The following DRICH1 variants were observed in gnomAD, a reference collection of about 807,000 sequenced individuals.
DRICH1 encodes the protein aspartate rich 1.
Under a neutral mutation model 39.5 loss-of-function variants are expected in DRICH1, and 38 were observed. The ratio of observed to expected loss-of-function variants is 0.96; its 90% CI spans 0.74 to 1.26. The LOEUF is 1.26. Among genes scored for constraint, DRICH1 ranks in the 50% most tolerant of loss-of-function variants. The pLI, the probability that DRICH1 is intolerant of heterozygous loss-of-function variation, is 0.00. For missense variants in DRICH1, 279 were observed against 270.4 expected (o/e 1.03, Z -0.22); for synonymous variants, 84 against 99.5 (o/e 0.84, Z 0.93).
intron 1 of DRICH1, among the ~76,000 whole-genome samples, chr22:23,628,719 T>C (rs1055576914): frequency 9.9e-5 from 15 of 152,172 alleles, no homozygotes; most frequent in African/African-American, 3.4e-4. Flanking sequence ...CTGGGACCTG[T>C]CTGTGTCTGT....
At chr22:23,624,950 G>T in intron 2 of DRICH1, 46 bp from the exon 3 acceptor site, 2 of 1,598,008 alleles carry the variant, frequency 1.3e-6, no homozygotes, top group Non-Finnish European at 1.7e-6. Context: ...GATCAATTCT[G>T]CTGCACCCCC....
At chr22:23,612,658 T>C (rs1354438975) in intron 11 of DRICH1, among the ~76,000 whole-genome samples, 3 of 151,900 alleles carry the variant, frequency 2.0e-5, no homozygotes, top group Non-Finnish European at 4.4e-5. Context: ...TGTGATTGGG[T>C]TGGGCAGTGG....
chr22:23,599,355 C>G, the DRICH1 span, among the ~76,000 whole-genome samples: 1 of 152,354 alleles, frequency 6.6e-6, no homozygotes, highest in South Asian at 2.1e-4. Flanking sequence ...TGCCCTGGAC[C>G]TGCCTCCCTG....
chr22:23,591,584 C>T, the DRICH1 span, among the ~76,000 whole-genome samples: 13 of 152,140 alleles, frequency 8.5e-5, no homozygotes, highest in Admixed American at 7.9e-4. Flanking sequence ...TTCTGCTGAC[C>T]TCATCCACGA....
At chr22:23,596,202 CT>C in the DRICH1 span, among the ~76,000 whole-genome samples, 1 of 152,194 alleles carries the variant, frequency 6.6e-6, no homozygotes, top group Non-Finnish European at 1.5e-5. Flanking sequence ...CACCTCTTCT[CT>C]TTCCTGTGAG....
At chr22:23,626,318 A>C (rs1412857417) in intron 1 of DRICH1, among the ~76,000 whole-genome samples, 1 of 152,198 alleles carries the variant, frequency 6.6e-6, no homozygotes, top group Non-Finnish European at 1.5e-5. Context: ...TTGCTGTGAC[A>C]TAGGAAAAAC....
the DRICH1 span, among the ~76,000 whole-genome samples, chr22:23,601,105 G>A: frequency 6.6e-6 from 1 of 151,662 alleles, no homozygotes; most frequent in African/African-American, 2.4e-5. Flanking sequence ...ATTCACCATT[G>A]GCAATAAGCA....
Position 23,632,193 on chromosome 22 carries a change from G to T in DRICH1, c.-170C>A. Reference sequence around the variant, plus strand: ...CTGCCGCCACCTCCCAAACTAGCTGGTCTATGAGGTCAGGGACCTGCTGTC... The same window carrying T: ...CTGCCGCCACCTCCCAAACTAGCTGTTCTATGAGGTCAGGGACCTGCTGTC... On this transcript the variant is annotated 5_prime_UTR_variant, in exon 1 of 12. Coordinates refer to ENST00000317749, the MANE Select transcript of DRICH1 (RefSeq NM_016449.4). 1.8e-6 allele frequency: 2 copies of T among 1,094,210 alleles called. No individual in the cohort carries two copies. Among genetic ancestry groups the T allele is most frequent in the Non-Finnish European group, 2.6e-6 (2 of 780,304 alleles). 67.8% of individuals were successfully genotyped at this position (1,094,210 alleles called of 1,614,324 possible). A position where few individuals can be genotyped will look rare whatever the true frequency, so the allele number is the denominator to read the frequency against.
intron 1 of DRICH1, among the ~76,000 whole-genome samples, chr22:23,629,740 C>T (rs1928280422): frequency 6.6e-6 from 1 of 152,160 alleles, no homozygotes; most frequent in South Asian, 2.1e-4. Flanking sequence ...GCCTCAGCCA[C>T]CCAAGTACCT....
downstream of DRICH1, among the ~76,000 whole-genome samples, chr22:23,605,682 G>C (rs1280389373): frequency 6.6e-6 from 1 of 152,140 alleles, no homozygotes; most frequent in Non-Finnish European, 1.5e-5. Flanking sequence ...CAGAGGACTG[G>C]GGGGAGGCCA....
At chr22:23,607,897 C>T (rs976650464), downstream of DRICH1, among the ~76,000 whole-genome samples, 2 of 152,222 alleles carry the variant, frequency 1.3e-5, no homozygotes, top group African/African-American at 4.8e-5. Flanking sequence ...GCTCCAGACC[C>T]AAAGGTCACA....
intron 5 of DRICH1, among the ~76,000 whole-genome samples, chr22:23,619,701 T>A (rs531094159): frequency 1.6e-3 from 246 of 152,080 alleles, no homozygotes; most frequent in African/African-American, 5.8e-3. Context: ...CTCATTCACA[T>A]GAAAAAACAG....
chr22:23,601,252 C>G, the DRICH1 span, among the ~76,000 whole-genome samples: 11 of 152,020 alleles, frequency 7.2e-5, no homozygotes, highest in Non-Finnish European at 1.6e-4. Flanking sequence ...TGGAATCATA[C>G]TCAGCAACAA....
intron 5 of DRICH1, 141 bp from the exon 6 acceptor site, chr22:23,619,534 ACAGCATGCTTC>A: frequency 1.5e-6 from 1 of 681,982 alleles, no homozygotes; most frequent in South Asian, 1.5e-5. Context: ...AGAAATGCAA[ACAGCATGCTTC>A]CAGCATGGAG....
chr22:23,614,576 T>G (rs991054506), intron 8 of DRICH1, among the ~76,000 whole-genome samples: 2 of 152,222 alleles, frequency 1.3e-5, no homozygotes, highest in African/African-American at 4.8e-5. Context: ...GTCAGTACAC[T>G]AGGATCTAAT....
chr22:23,592,336 G>A, the DRICH1 span, among the ~76,000 whole-genome samples: 1 of 152,186 alleles, frequency 6.6e-6, no homozygotes, highest in Non-Finnish European at 1.5e-5. Flanking sequence ...AGCAGCCTCA[G>A]GTAAGGCAGA....
the DRICH1 span, among the ~76,000 whole-genome samples, chr22:23,587,125 A>C: frequency 6.6e-6 from 1 of 152,136 alleles, no homozygotes; most frequent in Non-Finnish European, 1.5e-5. Flanking sequence ...TCGCATCTCT[A>C]TGATGGGATT....
At chr22:23,589,909 G>A in the DRICH1 span, among the ~76,000 whole-genome samples, 848 of 152,274 alleles carry the variant, frequency 5.6e-3, 7 homozygotes, top group East Asian at 0.042. Flanking sequence ...AAGGGACCCC[G>A]AGGCTCTCAG....
chr22:23,608,722 T>C lies in DRICH1; in HGVS notation c.*42A>G. The C allele has an allele frequency of 2.6e-6, 4 of 1,552,830 alleles. No homozygotes were observed. The highest frequency in any genetic ancestry group is 3.5e-6 in the Non-Finnish European group (4 of 1,146,912). ...GGGGACCCTGCAGCACGCGCTGGCC[T>C]GCCCTTTGGGTCAGCACCCTGGTCA... On this transcript the variant is annotated 3_prime_UTR_variant, in exon 12 of 12. Transcript: ENST00000317749.
Sources: allele counts gnomAD v4.1 joint callset (sites outside exome capture counted in the v4.1 genomes callset), GRCh38; gene constraint gnomAD v4.1.1; transcripts MANE v1.5; gene names NCBI Gene and HGNC (gene_info 2026-07-23, HGNC 2026-07-21).